Variants in AGBL4 observed in about 807,000 individuals in gnomAD.
AGBL4 encodes cytosolic carboxypeptidase 6.
A neutral mutation model predicts 66.4 loss-of-function variants in AGBL4; 58 were observed. The ratio of observed to expected loss-of-function variants is 0.87; its 90% confidence interval spans 0.71 to 1.09. The LOEUF (loss-of-function observed/expected upper bound fraction) is 1.09, where lower values mean the gene tolerates loss of function less well. Among genes scored for constraint, AGBL4 ranks in the 50% least tolerant of loss-of-function variants. AGBL4 has a pLI of 0.00. For missense variants in AGBL4, 579 were observed against 631.0 expected, an observed-to-expected ratio of 0.92 and a Z score of 0.88; for synonymous variants, 234 against 222.9, an observed-to-expected ratio of 1.05 and a Z score of -0.44.
rs1233949767 is a variant in AGBL4, at chr1:49,039,255, G to T, written c.594+6329C>A. Among the ~76,000 whole-genome samples, 5 of 152,172 alleles carry T rather than the reference G, an allele frequency of 3.3e-5. No homozygotes were observed. In the East Asian group the frequency reaches 9.7e-4, roughly 29 times the overall value. On this transcript the variant is annotated intron_variant, in intron 5 of 13. Coordinates refer to ENST00000371839, the MANE Select transcript of AGBL4 (RefSeq NM_032785.4). ...GAAACTAATCTGTATATATTAAAAT[G>T]GTGGACACAGGCCATTATAAATTTG...
At chr1:48,596,884 C>T (rs1645002385) in intron 9 of AGBL4, among the ~76,000 whole-genome samples, 1 of 152,142 alleles carries the variant, frequency 6.6e-6, no homozygotes, top group African/African-American at 2.4e-5. Flanking sequence ...AAAGGAACAA[C>T]CACGTAAGAA....
chr1:49,731,405 CTTAT>C (rs1011090323), intron 2 of AGBL4, among the ~76,000 whole-genome samples: 23 of 152,136 alleles, frequency 1.5e-4, no homozygotes, highest in African/African-American at 4.3e-4. Context: ...TGTACAAAGG[CTTAT>C]TTATTTATGT....
At position 50,019,310 on chromosome 1, in the gene AGBL4, A is replaced by T. The variant is rs200528819; in HGVS notation, c.34+4453T>A. Among the ~76,000 whole-genome samples, 246 of 84,492 alleles carry T rather than the reference A, an allele frequency of 2.9e-3. 1 individual carries two copies. The highest frequency in any genetic ancestry group is 0.018 in the East Asian group (54 of 2,954). 55.4% of individuals were successfully genotyped at this position (84,492 alleles called of 152,430 possible). A position where few individuals can be genotyped will look rare whatever the true frequency, so the allele number is the denominator to read the frequency against. ...CTCTCTCTCTCTCTCTCTCTCTCACACACACACACACACACACACACACAC... is the reference window on the plus strand; with the variant it reads ...CTCTCTCTCTCTCTCTCTCTCTCACTCACACACACACACACACACACACAC... On this transcript the variant is annotated intron_variant, in intron 1 of 13. Coordinates refer to ENST00000371839, the MANE Select transcript of AGBL4 (RefSeq NM_032785.4).
chr1:48,699,327 T>G (rs1646764886), intron 6 of AGBL4, among the ~76,000 whole-genome samples: 1 of 152,220 alleles, frequency 6.6e-6, no homozygotes, highest in Non-Finnish European at 1.5e-5. Context: ...GGCGATGCTG[T>G]AAGAATATAA....
intron 2 of AGBL4, among the ~76,000 whole-genome samples, chr1:49,762,377 G>C (rs990835351): frequency 2.6e-5 from 4 of 151,462 alleles, no homozygotes; most frequent in African/African-American, 9.7e-5. Flanking sequence ...GTCTGTTTTA[G>C]AGAAATGTCT....
chr1:48,752,760 T>C (rs1651942611), intron 6 of AGBL4, among the ~76,000 whole-genome samples: 1 of 148,664 alleles, frequency 6.7e-6, no homozygotes, highest in Non-Finnish European at 1.5e-5. Context: ...CATTTACTCC[T>C]TTTTTTTTTG....
intron 5 of AGBL4, among the ~76,000 whole-genome samples, chr1:48,975,537 C>T (rs1164530964): frequency 6.6e-6 from 1 of 152,064 alleles, no homozygotes; most frequent in African/African-American, 2.4e-5. Flanking sequence ...GTTGTAAACC[C>T]CGATAAAGAT....
intron 3 of AGBL4, among the ~76,000 whole-genome samples, chr1:49,671,404 C>G (rs1466045824): frequency 6.6e-6 from 1 of 152,094 alleles, no homozygotes; most frequent in Non-Finnish European, 1.5e-5. Context: ...TAGGCAGTAT[C>G]ATCCTGGACG....
At chr1:49,131,258 A>G (rs2148068990) in intron 4 of AGBL4, among the ~76,000 whole-genome samples, 1 of 152,244 alleles carries the variant, frequency 6.6e-6, no homozygotes, top group East Asian at 1.9e-4. Flanking sequence ...GTTGACAGAA[A>G]AAAGGCACAA....
chr1:48,641,668 A>G (rs1036401385), intron 8 of AGBL4, among the ~76,000 whole-genome samples: 5 of 152,178 alleles, frequency 3.3e-5, no homozygotes, highest in Non-Finnish European at 7.3e-5. Flanking sequence ...GTGCTAGCAC[A>G]GTGTCTCGTA....
chr1:48,876,235 C>T (rs191928275), intron 5 of AGBL4, among the ~76,000 whole-genome samples: 2 of 152,194 alleles, frequency 1.3e-5, no homozygotes, highest in East Asian at 3.9e-4. Context: ...ATGTGTTAGG[C>T]GAGTGAATAC....
At chr1:49,056,550 A>G (rs1644312982) in intron 4 of AGBL4, among the ~76,000 whole-genome samples, 1 of 152,152 alleles carries the variant, frequency 6.6e-6, no homozygotes, top group African/African-American at 2.4e-5. Context: ...TTGTGTCTCT[A>G]GGAATGGTAA....
intron 3 of AGBL4, among the ~76,000 whole-genome samples, chr1:49,295,579 C>T (rs1005180346): frequency 3.3e-5 from 5 of 152,136 alleles, no homozygotes; most frequent in African/African-American, 1.2e-4. Flanking sequence ...GACTAAACAA[C>T]CTGTCTAGGA....
intron 3 of AGBL4, among the ~76,000 whole-genome samples, chr1:49,558,507 A>T (rs2148849755): frequency 6.6e-6 from 1 of 152,070 alleles, no homozygotes; most frequent in East Asian, 1.9e-4. Flanking sequence ...CACCCAGCTA[A>T]TTTCTGTATT....
intron 9 of AGBL4, among the ~76,000 whole-genome samples, chr1:48,606,193 CTT>C (rs11358754): frequency 1.3e-4 from 19 of 149,362 alleles, no homozygotes; most frequent in East Asian, 3.9e-4. Flanking sequence ...TGTGCTTGGG[CTT>C]TTTTTTTTTC....
chr1:49,551,954 T>C (rs1436091634), intron 3 of AGBL4, among the ~76,000 whole-genome samples: 1 of 152,118 alleles, frequency 6.6e-6, no homozygotes, highest in African/African-American at 2.4e-5. Flanking sequence ...AGACTCGCCT[T>C]AGGTGGGTCC....
chr1:49,971,461 G>T (rs922649485), intron 1 of AGBL4, among the ~76,000 whole-genome samples: 2 of 152,100 alleles, frequency 1.3e-5, no homozygotes, highest in African/African-American at 4.8e-5. Context: ...ATCATAAAAT[G>T]CCAAAAAGAA....
chr1:48,839,364 T>A (rs1487013824), intron 6 of AGBL4, among the ~76,000 whole-genome samples: 1 of 152,072 alleles, frequency 6.6e-6, no homozygotes, highest in Admixed American at 6.6e-5. Context: ...CACATATATG[T>A]GAAATTGAAT....
At chr1:48,814,859 C>A (rs1013961144) in intron 6 of AGBL4, among the ~76,000 whole-genome samples, 1 of 152,122 alleles carries the variant, frequency 6.6e-6, no homozygotes, top group Non-Finnish European at 1.5e-5. Context: ...CTGCAATAAA[C>A]ATGGTGGTGC....
Sources: allele counts gnomAD v4.1 joint callset (sites outside exome capture counted in the v4.1 genomes callset), GRCh38; gene constraint gnomAD v4.1.1; transcripts MANE v1.5; gene names NCBI Gene and HGNC (gene_info 2026-07-23, HGNC 2026-07-21).